Variants in PUS7 observed in about 807,000 individuals in gnomAD.
The protein encoded by PUS7 is pseudouridine synthase 7, also known as pseudouridylate synthase 7 homolog.
Under a neutral mutation model 79.8 loss-of-function variants are expected in PUS7, and 48 were observed. That is an observed-to-expected ratio of 0.60 (90% confidence interval 0.48 to 0.76). The LOEUF (loss-of-function observed/expected upper bound fraction) is 0.76, where lower values mean the gene tolerates loss of function less well. Ranked by LOEUF, PUS7 falls within the 30% of genes least tolerant of loss-of-function variation. The probability of loss-of-function intolerance (pLI) is 0.00; values close to 1 mark genes in which losing one functional copy is unlikely to be tolerated. For missense variants in PUS7, 729 were observed against 797.6 expected (o/e 0.91, Z 1.04); for synonymous variants, 286 against 272.2 (o/e 1.05, Z -0.50).
At chr7:105,469,553 G>A (rs765774008) in intron 11 of PUS7, among the ~76,000 whole-genome samples, 8 of 152,140 alleles carry the variant, frequency 5.3e-5, no homozygotes, top group Non-Finnish European at 1.2e-4. Flanking sequence ...TCTGCCTCTT[G>A]GGTTCAAGCG....
intron 1 of PUS7, among the ~76,000 whole-genome samples, chr7:105,520,689 T>C (rs2133314151): frequency 6.6e-6 from 1 of 152,182 alleles, no homozygotes; most frequent in Non-Finnish European, 1.5e-5. Context: ...GCCATTGCAC[T>C]CCAGCCTGGG....
intron 8 of PUS7, 113 bp downstream of exon 8, chr7:105,482,199 A>T: frequency 7.8e-7 from 1 of 1,274,690 alleles, no homozygotes; most frequent in Non-Finnish European, 1.1e-6. Context: ...CCTTGCTGCC[A>T]CTCCTGTTCT....
chr7:105,506,797 C>T lies in PUS7; in HGVS notation c.399-524G>A, dbSNP rs114682113. On this transcript the variant is annotated intron_variant, in intron 2 of 15. Coordinates refer to ENST00000469408, the MANE Select transcript of PUS7 (RefSeq NM_019042.5). Reference sequence around the variant, plus strand: ...TATGAGAACTTAAAGAAAAGACCCTCTTAGCTTCTAGAATATTCTTCCAGA... The same window carrying T: ...TATGAGAACTTAAAGAAAAGACCCTTTTAGCTTCTAGAATATTCTTCCAGA... Among the ~76,000 whole-genome samples the T allele has an allele frequency of 3.6e-3, 542 of 152,220 alleles. 5 individuals are homozygous for T. The highest frequency in any genetic ancestry group is 0.012 in the African/African-American group (519 of 41,540).
At chr7:105,470,945 C>A in intron 10 of PUS7, 97 bp from the exon 11 acceptor site, 1 of 1,337,502 alleles carries the variant, frequency 7.5e-7, no homozygotes, top group Non-Finnish European at 1.0e-6. Context: ...TTAGAAAATG[C>A]TACTTGAAAT....
intron 12 of PUS7, 21 bp from the exon 13 acceptor site, chr7:105,465,435 A>C (rs1281557804): frequency 6.5e-7 from 1 of 1,527,906 alleles, no homozygotes; most frequent in Non-Finnish European, 9.0e-7. Context: ...ACAAGTGAAC[A>C]ATAAATTAAG....
At chr7:105,460,853 CAA>C (rs55923593) in intron 14 of PUS7, among the ~76,000 whole-genome samples, 7 of 83,564 alleles carry the variant, frequency 8.4e-5, no homozygotes, top group African/African-American at 2.4e-4. Context: ...GACTCCGTCT[CAA>C]AAAAAAAAAA....
chr7:105,465,474 T>C, intron 12 of PUS7, 60 bp from the exon 13 acceptor site: 1 of 1,238,834 alleles, frequency 8.1e-7, no homozygotes, highest in Non-Finnish European at 1.2e-6. Context: ...ATGAACTCAA[T>C]CTTCTAAAAT....
chr7:105,514,221 A>G, intron 1 of PUS7, among the ~76,000 whole-genome samples: 1 of 114,554 alleles, frequency 8.7e-6, no homozygotes, highest in Non-Finnish European at 1.8e-5. Context: ...ACAGAGCAAG[A>G]CTCCGTCTCA....
At chr7:105,477,279 ACT>A (rs990998374) in intron 9 of PUS7, among the ~76,000 whole-genome samples, 4 of 151,128 alleles carry the variant, frequency 2.6e-5, no homozygotes, top group African/African-American at 7.3e-5. Flanking sequence ...AGACAGTTTC[ACT>A]CTGTCGCCCA....
chr7:105,465,440 A>G (rs1267295660), intron 12 of PUS7, 26 bp from the exon 13 acceptor site: 1 of 1,491,200 alleles, frequency 6.7e-7, no homozygotes, highest in Non-Finnish European at 9.3e-7. Flanking sequence ...TGAACAATAA[A>G]TTAAGAAAAT....
At chr7:105,504,783 C>T (rs1011184047) in intron 4 of PUS7, among the ~76,000 whole-genome samples, 3 of 152,092 alleles carry the variant, frequency 2.0e-5, no homozygotes, top group African/African-American at 4.8e-5. Flanking sequence ...CTTGGCATTG[C>T]TAAAGGTTTT....
chr7:105,486,977 T>C (rs1209871718), intron 7 of PUS7, among the ~76,000 whole-genome samples: 2 of 152,062 alleles, frequency 1.3e-5, no homozygotes, highest in African/African-American at 4.8e-5. Context: ...GGAGGATTAC[T>C]TGAACCTCAG....
intron 12 of PUS7, among the ~76,000 whole-genome samples, chr7:105,467,119 A>T (rs2090137303): frequency 6.7e-6 from 1 of 148,988 alleles, no homozygotes; most frequent in Non-Finnish European, 1.5e-5. Context: ...AACAGAGAAA[A>T]TACTTCACAG....
In PUS7 at chr7:105,506,233, G is replaced by A. The variant is rs551890660; in HGVS notation, c.439C>T (p.Arg147Trp). Residue 147 changes from arginine (R) to tryptophan (W), a missense_variant, in exon 3 of 16, where the codon CGG becomes TGG. Transcript: ENST00000469408. Reference protein sequence around the residue: ...FVVHEIGKDGRISHLNDLSIP... With the variant: ...FVVHEIGKDGWISHLNDLSIP... Reference sequence around the variant, plus strand: ...GACAAGTCATTCAAATGGCTGATCCGTCCATCTTTTCCTATTTCATGAACA... The same window carrying A: ...GACAAGTCATTCAAATGGCTGATCCATCCATCTTTTCCTATTTCATGAACA... 9.3e-6 allele frequency: 15 copies of A among 1,613,180 alleles called. No homozygotes were observed. The highest frequency in any genetic ancestry group is 4.5e-5 in the East Asian group (2 of 44,858).
At chr7:105,470,482 G>A (rs1823827574) in intron 11 of PUS7, 3 of 419,288 alleles carry the variant, frequency 7.2e-6, no homozygotes, top group Middle Eastern at 6.3e-4. Context: ...CTTTTCTTGT[G>A]CCCTCAATAA....
At chr7:105,462,813 A>G in intron 13 of PUS7, 63 bp from the exon 14 acceptor site, 1 of 1,474,586 alleles carries the variant, frequency 6.8e-7, no homozygotes. Flanking sequence ...CCTGAACTAG[A>G]TTATAAAGAG....
intron 5 of PUS7, chr7:105,496,997 C>T: frequency 1.7e-6 from 2 of 1,189,358 alleles, no homozygotes; most frequent in Non-Finnish European, 2.2e-6. Flanking sequence ...GCATAAAGAG[C>T]ACAAAAGAGC....
At chr7:105,458,004 C>A in intron 15 of PUS7, 78 bp from the exon 16 acceptor site, 2 of 1,516,826 alleles carry the variant, frequency 1.3e-6, no homozygotes, top group Non-Finnish European at 8.9e-7. Context: ...AATCTCTAAG[C>A]AAATACAAAG....
chr7:105,468,309 T>A, intron 12 of PUS7, 28 bp downstream of exon 12: 1 of 1,603,108 alleles, frequency 6.2e-7, no homozygotes, highest in Non-Finnish European at 8.5e-7. Context: ...CTAGCTTAGC[T>A]GAGTAACAAA....
Sources: gnomAD v4.1 joint callset for allele counts (sites outside exome capture counted in the v4.1 genomes callset) on GRCh38, gnomAD v4.1.1 for gene constraint, MANE v1.5 for transcripts, NCBI Gene and HGNC (gene_info 2026-07-23, HGNC 2026-07-21) for gene names.